XYLT1: variants seen among roughly 807,000 people sequenced by gnomAD.
XYLT1 encodes the protein beta-D-xylosyltransferase 1.
A neutral mutation model predicts 91.3 loss-of-function variants in XYLT1; 36 were observed. The observed-to-expected ratio is 0.39, with a 90% confidence interval of 0.30 to 0.52. The LOEUF is 0.52. Ranked by LOEUF, XYLT1 falls within the 20% of genes least tolerant of loss-of-function variation. The probability of loss-of-function intolerance (pLI) is 0.68; values close to 1 mark genes in which losing one functional copy is unlikely to be tolerated. For synonymous variants in XYLT1, 588 were observed against 532.0 expected (o/e 1.11, Z -1.45); for missense variants, 1,242 against 1,284.5 (o/e 0.97, Z 0.51).
At chr16:17,109,635 T>C (rs1397257623) in intron 11 of XYLT1, among the ~76,000 whole-genome samples, 1 of 152,268 alleles carries the variant, frequency 6.6e-6, no homozygotes, top group Admixed American at 6.5e-5. Context: ...TAAAGTTTTA[T>C]TGGAACATGG....
chr16:17,396,063 G>A (rs373603767), intron 1 of XYLT1, among the ~76,000 whole-genome samples: 1 of 152,178 alleles, frequency 6.6e-6, no homozygotes, highest in African/African-American at 2.4e-5. Context: ...AATTCTCGAC[G>A]CATGAAAAAC....
chr16:17,282,037 C>T (rs377288737), intron 2 of XYLT1, among the ~76,000 whole-genome samples: 11 of 152,150 alleles, frequency 7.2e-5, no homozygotes, highest in Non-Finnish European at 1.3e-4. Context: ...GCTGTCTTCC[C>T]GGCCAGAGCT....
intron 1 of XYLT1, among the ~76,000 whole-genome samples, chr16:17,393,854 C>A (rs968592955): frequency 2.0e-5 from 3 of 152,102 alleles, no homozygotes; most frequent in Non-Finnish European, 4.4e-5. Context: ...TGGCTCACTG[C>A]AAGCTCCGCC....
chr16:17,430,217 C>A (rs1022821300), intron 1 of XYLT1, among the ~76,000 whole-genome samples: 1 of 152,090 alleles, frequency 6.6e-6, no homozygotes, highest in Non-Finnish European at 1.5e-5. Context: ...GATTATAATA[C>A]ACAGGTTGAG....
At chr16:17,311,831 C>G (rs1346984295) in intron 2 of XYLT1, among the ~76,000 whole-genome samples, 3 of 139,278 alleles carry the variant, frequency 2.2e-5, no homozygotes, top group Admixed American at 7.3e-5. Flanking sequence ...TCTTACATGG[C>G]AGCAGGCAAA....
chr16:17,338,339 T>C (rs1456216455), intron 2 of XYLT1: 3 of 456,498 alleles, frequency 6.6e-6, no homozygotes, highest in Non-Finnish European at 1.3e-5. Context: ...TGATGTGGTC[T>C]ACAGTACCTG....
At chr16:17,231,818 A>G (rs1162809109) in intron 3 of XYLT1, among the ~76,000 whole-genome samples, 1 of 152,136 alleles carries the variant, frequency 6.6e-6, no homozygotes, top group Non-Finnish European at 1.5e-5. Context: ...CTTATCATGA[A>G]TGGAGCTTGC....
intron 6 of XYLT1, among the ~76,000 whole-genome samples, chr16:17,142,915 C>T (rs967573646): frequency 2.0e-5 from 3 of 152,060 alleles, no homozygotes; most frequent in African/African-American, 7.2e-5. Flanking sequence ...GTTAGAATTC[C>T]ATTAAAAAAG....
chr16:17,252,869 C>G lies in XYLT1; in HGVS notation c.913+6119G>C, dbSNP rs146981431. ...AATTATATTCAACTTCCAGCACACT[C>G]TTGGCTGAAGTTTAGGTGATGTTGC... On this transcript the variant is annotated intron_variant, in intron 3 of 11. Transcript: ENST00000261381. Among the ~76,000 whole-genome samples the G allele has an allele frequency of 1.9e-4, 29 of 152,336 alleles. No homozygotes were observed. In the East Asian group the frequency reaches 5.0e-3, roughly 26 times the overall value.
At chr16:17,134,382 TC>T in intron 9 of XYLT1, 90 bp downstream of exon 9, 1 of 1,517,590 alleles carries the variant, frequency 6.6e-7, no homozygotes, top group South Asian at 1.2e-5. Flanking sequence ...GCATTGCAGA[TC>T]CCTAAAGAGG....
chr16:17,357,165 T>G (rs1259483608), intron 2 of XYLT1, among the ~76,000 whole-genome samples: 1 of 95,680 alleles, frequency 1.0e-5, no homozygotes, highest in Non-Finnish European at 1.9e-5. Flanking sequence ...CAACAGAGAC[T>G]CGGTCTCAAA....
chr16:17,278,930 G>A (rs1315741514), intron 2 of XYLT1, among the ~76,000 whole-genome samples: 1 of 152,146 alleles, frequency 6.6e-6, no homozygotes, highest in African/African-American at 2.4e-5. Context: ...GGCAACCAAG[G>A]CTGACTGTGA....
chr16:17,361,310 A>C (rs967660183), intron 1 of XYLT1, among the ~76,000 whole-genome samples: 9 of 152,314 alleles, frequency 5.9e-5, no homozygotes, highest in East Asian at 1.9e-4. Context: ...GCGTGCAGCC[A>C]CGCCCCGCCT....
At chr16:17,231,957 A>G (rs939443219) in intron 3 of XYLT1, among the ~76,000 whole-genome samples, 2 of 151,518 alleles carry the variant, frequency 1.3e-5, no homozygotes, top group African/African-American at 4.8e-5. Context: ...ATAAAAAAAT[A>G]AACTATGATG....
chr16:17,449,850 A>T (rs367599856), intron 1 of XYLT1, among the ~76,000 whole-genome samples: 1 of 152,164 alleles, frequency 6.6e-6, no homozygotes, highest in African/African-American at 2.4e-5. Flanking sequence ...TGGATCTTAA[A>T]ATGTCATCTT....
At chr16:17,147,585 G>A (rs536283003) in intron 6 of XYLT1, among the ~76,000 whole-genome samples, 5 of 152,168 alleles carry the variant, frequency 3.3e-5, no homozygotes, top group African/African-American at 1.2e-4. Context: ...TGCTGCAAAC[G>A]CATGCTTTGG....
At position 17,373,688 on chromosome 16, in the gene XYLT1, T is replaced by C. The variant is rs373199757; in HGVS notation, c.364-15638A>G. 3.2e-4 allele frequency among the ~76,000 whole-genome samples: 49 copies of C among 152,366 alleles called. 1 individual carries two copies. In the South Asian group the frequency reaches 8.9e-3, roughly 28 times the overall value. ...CAACTGCCCTTAAGGAATGGACTCC[T>C]ATTAGCCTCTATTTACAGATGAGGG... On this transcript the variant is annotated intron_variant, in intron 1 of 11. Coordinates refer to ENST00000261381, the MANE Select transcript of XYLT1 (RefSeq NM_022166.4).
At position 17,259,301 on chromosome 16, in the gene XYLT1, C is replaced by T; in HGVS notation, c.600G>A (p.Gln200=). The stretch of plus-strand genomic sequence containing the variant: ...GGAATGTATGTCCTTTTCCTTTCTC[C>T]TGCTGTTCCAGCTTCCTTTTCAAAA... ...KELLKRKLEQ[Q]EKGKGHTFPG... The change falls in exon 3 of 12, where the codon CAG becomes CAA. Residue 200 remains glutamine, a synonymous_variant. Transcript: ENST00000261381. 1 of 1,614,174 alleles carries T rather than the reference C, an allele frequency of 6.2e-7. No homozygotes were observed. The highest frequency in any genetic ancestry group is 8.5e-7 in the Non-Finnish European group (1 of 1,180,032).
rs375243721 is a variant in XYLT1, at chr16:17,371,782, T to C, written c.364-13732A>G. ...TTATCACATCTGCTTCTGCTGTGTATAGCCATGGCTAGTTTTCTCCAGCTC... is the reference window on the plus strand; with the variant it reads ...TTATCACATCTGCTTCTGCTGTGTACAGCCATGGCTAGTTTTCTCCAGCTC... On this transcript the variant is annotated intron_variant, in intron 1 of 11. Transcript: ENST00000261381. 2.0e-5 allele frequency among the ~76,000 whole-genome samples: 3 copies of C among 152,232 alleles called. No homozygotes were observed. In the South Asian group the frequency reaches 6.2e-4, roughly 32 times the overall value.
Sources: allele counts gnomAD v4.1 joint callset (sites outside exome capture counted in the v4.1 genomes callset), GRCh38; gene constraint gnomAD v4.1.1; transcripts MANE v1.5; gene names NCBI Gene and HGNC (gene_info 2026-07-23, HGNC 2026-07-21).